RGS12: variants seen among roughly 807,000 people sequenced by gnomAD.
The protein encoded by RGS12 is regulator of G-protein signaling 12.
RGS12 carries 66 observed loss-of-function variants against 120.1 expected under a neutral mutation model. That is an observed-to-expected ratio of 0.55 (90% CI 0.45 to 0.67). The LOEUF (loss-of-function observed/expected upper bound fraction) is 0.67, where lower values mean the gene tolerates loss of function less well. RGS12 is among the 30% of genes least tolerant of loss of function. The pLI, the probability that RGS12 is intolerant of heterozygous loss-of-function variation, is 0.00. For synonymous variants in RGS12, 827 were observed against 804.7 expected (o/e 1.03, Z -0.47); for missense variants, 1,859 against 1,957.7 (o/e 0.95, Z 0.95).
chr4:3,362,052 C>T (rs927415430), intron 3 of RGS12, among the ~76,000 whole-genome samples: 1 of 152,188 alleles, frequency 6.6e-6, no homozygotes, highest in Non-Finnish European at 1.5e-5. Context: ...GCTGCGGCCC[C>T]GAGGGGGATG....
intron 2 of RGS12, 50 bp downstream of exon 2, chr4:3,318,101 G>A (rs751696080): frequency 1.6e-5 from 24 of 1,506,620 alleles, no homozygotes; most frequent in Non-Finnish European, 2.1e-5. Context: ...TCCTCACTTA[G>A]CAGTCACGGG....
Position 3,437,501 on chromosome 4 carries a change from C to T in RGS12, c.4115-1954C>T, listed in dbSNP as rs78627628. On this transcript the variant is annotated intron_variant, in intron 17 of 17. Transcript: ENST00000336727. ...GGGCAAACCCCTGCCTCTCCCCACA[C>T]GATATCTCCCAGCCCTGCAGCCTGG... is the stretch of plus-strand genomic sequence containing the variant. 1.0e-3 allele frequency among the ~76,000 whole-genome samples: 152 copies of T among 152,326 alleles called. 2 individuals carry two copies. The East Asian group carries it at 0.026, about 26-fold the overall frequency.
chr4:3,332,215 T>C lies in RGS12; in HGVS notation c.1882-10722T>C, dbSNP rs570053139. On this transcript the variant is annotated intron_variant, in intron 2 of 17. Transcript: ENST00000336727. ...GAAAGTGAGACTGTTCAGGGCAAGG[T>C]GGCCGCCACATCCCTGCAGAACCGG... is the stretch of plus-strand genomic sequence containing the variant. Among the ~76,000 whole-genome samples the C allele has an allele frequency of 3.9e-5, 6 of 152,118 alleles. No homozygotes were observed. In the South Asian group the frequency reaches 1.2e-3, roughly 32 times the overall value.
Position 3,390,261 on chromosome 4 carries a change from G to A in RGS12, c.2020+3824G>A, listed in dbSNP as rs1334705658. 6.6e-6 allele frequency among the ~76,000 whole-genome samples: 1 copy of A among 152,156 alleles called. No homozygotes were observed. Among genetic ancestry groups the A allele is most frequent in the Non-Finnish European group, 1.5e-5 (1 of 68,030 alleles). ...ACTGTCAATTTCCTGCCCGTGCTAG[G>A]GGCAGCTTCCATCATTTTAATTATT... On this transcript the variant is annotated intron_variant, in intron 4 of 17. Transcript: ENST00000336727. This position sits in a 1 kb window ranked among gnomAD's most constrained non-coding sequence, Gnocchi z 4.6.
Position 3,420,728 on chromosome 4 carries a change from T to A in RGS12, c.2838+10T>A. On this transcript the variant is annotated intron_variant, in intron 10 of 17. Coordinates refer to ENST00000336727, the MANE Select transcript of RGS12 (RefSeq NM_001394154.1). ...GGGGAGCCTGGACCTGGTGAGTCAC[T>A]GTCTCCCCTCGTCCCACAGGCCTCA... is the stretch of plus-strand genomic sequence containing the variant. The A allele has an allele frequency of 6.2e-7, 1 of 1,610,058 alleles. No individual in the cohort carries two copies. The highest frequency in any genetic ancestry group is 1.1e-5 in the South Asian group (1 of 91,018).
the RGS12 span, among the ~76,000 whole-genome samples, chr4:3,285,935 C>T: frequency 6.6e-6 from 1 of 152,234 alleles, no homozygotes; most frequent in Non-Finnish European, 1.5e-5. Flanking sequence ...AGGAAAATGT[C>T]CTGCAAACAC....
At chr4:3,397,440 G>A (rs1054596394) in intron 4 of RGS12, among the ~76,000 whole-genome samples, 2 of 152,238 alleles carry the variant, frequency 1.3e-5, no homozygotes, top group African/African-American at 4.8e-5. Flanking sequence ...CCAGGAAAAA[G>A]CTGAGATGGC....
In RGS12 at chr4:3,417,035, C is replaced by T. The variant is rs1338115729; in HGVS notation, c.2550C>T (p.Ser850=). Residue 850 remains serine (S), a synonymous_variant, in exon 8 of 18, where the codon AGC becomes AGT. Coordinates refer to ENST00000336727, the MANE Select transcript of RGS12 (RefSeq NM_001394154.1). ...ALPDSQQVPS[S]PASKHSLGSD... is the part of the protein sequence containing the mutation. ...CGGACTCGCAGCAGGTCCCCAGCAG[C>T]CCGGCTTCCAAGCACAGCCTCGGTT... The T allele has an allele frequency of 6.2e-7, 1 of 1,613,142 alleles. No homozygotes were observed. The highest frequency in any genetic ancestry group is 1.7e-5 in the Admixed American group (1 of 60,024).
chr4:3,362,583 TGA>T (rs1378625322), intron 3 of RGS12, among the ~76,000 whole-genome samples: 2 of 130,012 alleles, frequency 1.5e-5, no homozygotes, highest in East Asian at 2.3e-4. Context: ...TGTGAGGGTG[TGA>T]GGGTGTGTGT....
At chr4:3,301,152 G>A (rs1015920639) in intron 1 of RGS12, among the ~76,000 whole-genome samples, 2 of 152,020 alleles carry the variant, frequency 1.3e-5, no homozygotes, top group East Asian at 1.9e-4. Flanking sequence ...GTAACACGGG[G>A]TCTGTCCCCG....
In RGS12 at chr4:3,439,520, G is replaced by C. The variant is rs147655380; in HGVS notation, c.4180G>C (p.Gly1394Arg). 3.3e-4 allele frequency: 530 copies of C among 1,612,642 alleles called. No individual in the cohort carries two copies. The highest frequency in any genetic ancestry group is 4.3e-4 in the Non-Finnish European group (509 of 1,179,870). The change falls in exon 18 of 18, where the codon GGC becomes CGC. Residue 1394 changes from glycine (G) to arginine (R), a missense_variant. Coordinates refer to ENST00000336727, the MANE Select transcript of RGS12 (RefSeq NM_001394154.1). ...NRIIDVDLVTGSAPGRDGGIA... is the reference protein window; with the variant it reads ...NRIIDVDLVTRSAPGRDGGIA... ...AATCATCGATGTGGATCTTGTAACT[G>C]GCTCGGCGCCCGGGCGGGATGGTGG... is the stretch of plus-strand genomic sequence containing the variant.
upstream of RGS12, among the ~76,000 whole-genome samples, chr4:3,292,717 C>A (rs1560631241): frequency 6.6e-6 from 1 of 152,216 alleles, no homozygotes; most frequent in Non-Finnish European, 1.5e-5. Context: ...TCGCTCCCAG[C>A]ACCAGGGCCG....
At chr4:3,392,672 C>A (rs531583352) in intron 4 of RGS12, among the ~76,000 whole-genome samples, 3 of 152,274 alleles carry the variant, frequency 2.0e-5, no homozygotes, top group East Asian at 3.9e-4. Flanking sequence ...TCTACTGATT[C>A]TCTTCACGCT....
chr4:3,384,264 C>CG (rs1718580274), intron 3 of RGS12, among the ~76,000 whole-genome samples: 1 of 152,142 alleles, frequency 6.6e-6, no homozygotes, highest in South Asian at 2.1e-4. Flanking sequence ...AAGCGATTCT[C>CG]CTGCCTCAGC....
rs550866957 is a variant in RGS12, at chr4:3,390,653, C to T, written c.2020+4216C>T. Among the ~76,000 whole-genome samples, 1 of 152,336 alleles carries T rather than the reference C, an allele frequency of 6.6e-6. No homozygotes were observed. The highest frequency in any genetic ancestry group is 2.4e-5 in the African/African-American group (1 of 41,580). On this transcript the variant is annotated intron_variant, in intron 4 of 17. Transcript: ENST00000336727. The surrounding 1 kb of genome is among the most constrained non-coding windows in gnomAD (Gnocchi z 4.6). ...CGGGCCTTTGGAGCTCAGACCTGGC[C>T]ATGGCGGAAGATTCGGGCTCCACCT...
intron 1 of RGS12, among the ~76,000 whole-genome samples, chr4:3,306,447 C>T (rs1049099482): frequency 6.6e-6 from 1 of 152,212 alleles, no homozygotes; most frequent in Non-Finnish European, 1.5e-5. Context: ...TGGGAAGTCC[C>T]GCTCGATAAG....
At chr4:3,321,633 G>A (rs188612134) in intron 2 of RGS12, among the ~76,000 whole-genome samples, 4 of 152,316 alleles carry the variant, frequency 2.6e-5, no homozygotes, top group Admixed American at 2.0e-4. Flanking sequence ...TTTTGAGTCC[G>A]CCTTGGCTTG....
At chr4:3,362,985 G>A (rs1387469205) in intron 3 of RGS12, among the ~76,000 whole-genome samples, 8 of 151,608 alleles carry the variant, frequency 5.3e-5, no homozygotes, top group Admixed American at 1.3e-4. Context: ...GTGAGGGTGT[G>A]TATATGTGTG....
chr4:3,292,936 G>GCCTC (rs1294978505), upstream of RGS12: 10 of 93,568 alleles, frequency 1.1e-4, no homozygotes, highest in African/African-American at 4.0e-4. Flanking sequence ...CCTTGGCCCC[G>GCCTC]CCTCACCAGG....
Sources: gnomAD v4.1 joint callset for allele counts (sites outside exome capture counted in the v4.1 genomes callset) on GRCh38, gnomAD v4.1.1 for gene constraint, Gnocchi (gnomAD v3.1) non-coding constraint, MANE v1.5 for transcripts, NCBI Gene and HGNC (gene_info 2026-07-23, HGNC 2026-07-21) for gene names.